Variants in FBXO31 observed in about 807,000 individuals in gnomAD.
The protein encoded by FBXO31 is F-box protein 31.
A neutral mutation model predicts 54.4 loss-of-function variants in FBXO31; 24 were observed. The ratio of observed to expected loss-of-function variants is 0.44; its 90% CI spans 0.32 to 0.62. The LOEUF (loss-of-function observed/expected upper bound fraction) is 0.62, where lower values mean the gene tolerates loss of function less well. FBXO31 is among the 20% of genes least tolerant of loss of function. The pLI is 0.05. For missense variants in FBXO31, 665 were observed against 787.1 expected (o/e 0.84, Z 1.86); for synonymous variants, 388 against 335.6 (o/e 1.16, Z -1.71).
upstream of FBXO31, chr16:87,391,825 C>G (rs35227715): frequency 0.16 from 25,061 of 152,302 alleles, 2,844 homozygotes; most frequent in South Asian, 0.52. Context: ...CCCTGCCTCC[C>G]GGAGACGGCG....
At chr16:87,372,561 T>C (rs888000351) in intron 1 of FBXO31, among the ~76,000 whole-genome samples, 4 of 151,892 alleles carry the variant, frequency 2.6e-5, no homozygotes, top group African/African-American at 9.7e-5. Flanking sequence ...TCATGAAGCA[T>C]TTCTTTTTGT....
Position 87,343,723 on chromosome 16 carries a change from G to T in FBXO31, c.532C>A (p.His178Asn). The T allele has an allele frequency of 3.1e-6, 5 of 1,614,254 alleles. No individual in the cohort carries two copies. The highest frequency in any genetic ancestry group is 3.4e-6 in the Non-Finnish European group (4 of 1,180,048). Residue 178 changes from histidine (H) to asparagine (N), a missense_variant, in exon 4 of 9, where the codon CAT (histidine) becomes AAT (asparagine). Physicochemically the swap from His to Asn is moderately conservative, Grantham distance 68 (BLOSUM62 1). Transcript: ENST00000311635. ...FIIGWMYLPP[H>N]DPHVDDPMRF... ...ATAGGGTCATCGACGTGGGGGTCAT[G>T]GGGAGGCAGGTACATCCACCCGATG...
intron 1 of FBXO31, among the ~76,000 whole-genome samples, chr16:87,363,897 C>A (rs541933212): frequency 1.3e-5 from 2 of 152,224 alleles, no homozygotes; most frequent in African/African-American, 4.8e-5. Flanking sequence ...TCAGCTCCCC[C>A]TTCCGAGCTC....
chr16:87,379,043 A>G (rs2150698190), intron 1 of FBXO31, among the ~76,000 whole-genome samples: 1 of 152,258 alleles, frequency 6.6e-6, no homozygotes, highest in African/African-American at 2.4e-5. Flanking sequence ...GTTCACTGCC[A>G]CACTGCACCT....
intron 2 of FBXO31, among the ~76,000 whole-genome samples, chr16:87,352,722 G>C (rs1231879034): frequency 6.6e-6 from 1 of 152,200 alleles, no homozygotes; most frequent in Non-Finnish European, 1.5e-5. Context: ...AATCTTTTGA[G>C]GTCAACTCAT....
chr16:87,384,434 G>T (rs1319395047), upstream of FBXO31, among the ~76,000 whole-genome samples: 1 of 152,104 alleles, frequency 6.6e-6, no homozygotes, highest in Non-Finnish European at 1.5e-5. Flanking sequence ...CAAGAGATCC[G>T]GGGATGCGCG....
intron 5 of FBXO31, among the ~76,000 whole-genome samples, chr16:87,341,842 G>C (rs372191577): frequency 7.2e-5 from 11 of 152,208 alleles, no homozygotes; most frequent in South Asian, 6.2e-4. Flanking sequence ...CGAGAAACAG[G>C]ACATTTGGTT....
In FBXO31 at chr16:87,382,024, C is replaced by CA. The variant is rs567465446; in HGVS notation, c.340+1380dup. ...TGGGTGACAGAGTGAGACTCCGTCT[C>CA]AAAAAAAAAAAAGAAGGAAGTGCAT... On this transcript the variant is annotated intron_variant, in intron 1 of 8. Coordinates refer to ENST00000311635, the MANE Select transcript of FBXO31 (RefSeq NM_024735.5). 3.1e-3 allele frequency among the ~76,000 whole-genome samples: 429 copies of CA among 136,250 alleles called. 3 individuals are homozygous for CA. The highest frequency in any genetic ancestry group is 9.2e-3 in the African/African-American group (340 of 37,036). 89.4% of individuals were successfully genotyped at this position (136,250 alleles called of 152,430 possible). A position where few individuals can be genotyped will look rare whatever the true frequency, so the allele number is the denominator to read the frequency against.
intron 1 of FBXO31, among the ~76,000 whole-genome samples, chr16:87,362,226 G>C (rs117894019): frequency 1.7e-3 from 264 of 152,002 alleles, no homozygotes; most frequent in Non-Finnish European, 3.0e-3. Context: ...CAATTAAACA[G>C]GTAAAATTCA....
At chr16:87,361,934 G>A (rs1010171155) in intron 1 of FBXO31, among the ~76,000 whole-genome samples, 5 of 152,344 alleles carry the variant, frequency 3.3e-5, no homozygotes, top group African/African-American at 7.2e-5. Context: ...TGTGGTCTAC[G>A]GGTCCCCCTT....
At chr16:87,341,202 G>A (rs941718620) in intron 5 of FBXO31, among the ~76,000 whole-genome samples, 1 of 152,186 alleles carries the variant, frequency 6.6e-6, no homozygotes, top group Admixed American at 6.5e-5. Context: ...CACTACTCCA[G>A]TTCAAAATCA....
chr16:87,358,807 C>G lies in FBXO31; in HGVS notation c.412+1488G>C, dbSNP rs1168065354. 6.6e-6 allele frequency among the ~76,000 whole-genome samples: 1 copy of G among 152,204 alleles called. No homozygotes were observed. Among genetic ancestry groups the G allele is most frequent in the Non-Finnish European group, 1.5e-5 (1 of 68,030 alleles). On this transcript the variant is annotated intron_variant, in intron 2 of 8. Transcript: ENST00000311635. The surrounding 1 kb of genome is among the most constrained non-coding windows in gnomAD (Gnocchi z 4.0). ...CCGGCAGGCCCCAGGCCACAGCTCA[C>G]TGGGGCTCAGGAGGTGGGAGGGCAG...
At chr16:87,370,946 T>A (rs980421059) in intron 1 of FBXO31, among the ~76,000 whole-genome samples, 3 of 152,136 alleles carry the variant, frequency 2.0e-5, no homozygotes, top group Admixed American at 6.5e-5. Flanking sequence ...GAGCTGGCGG[T>A]GGCAGGGGGG....
chr16:87,354,700 G>T (rs1905817854), intron 2 of FBXO31, among the ~76,000 whole-genome samples: 1 of 152,206 alleles, frequency 6.6e-6, no homozygotes, highest in Non-Finnish European at 1.5e-5. Context: ...GGGCACACTG[G>T]CTCACACCTG....
At chr16:87,390,573 T>C (rs1374843160), upstream of FBXO31, among the ~76,000 whole-genome samples, 1 of 151,592 alleles carries the variant, frequency 6.6e-6, no homozygotes, top group African/African-American at 2.4e-5. Flanking sequence ...CCCGAGTAGC[T>C]GGGATTACAG....
chr16:87,391,089 G>A (rs1467549741), upstream of FBXO31, among the ~76,000 whole-genome samples: 2 of 152,294 alleles, frequency 1.3e-5, no homozygotes, highest in Admixed American at 1.3e-4. Flanking sequence ...AGTGGCTCAC[G>A]CCTGTAATCC....
At chr16:87,383,819 C>T, upstream of FBXO31, 1 of 1,048,278 alleles carries the variant, frequency 9.5e-7, no homozygotes, top group Non-Finnish European at 1.2e-6. This position sits in a 1 kb window ranked among gnomAD's most constrained non-coding sequence, Gnocchi z 4.9. Flanking sequence ...CGCCGAGCCA[C>T]GCCCCCGCCG....
chr16:87,383,397 G>A lies in FBXO31; in HGVS notation c.340+8C>T, dbSNP rs1334169033. ...CCCCTCCCGGCCCCGCCACCCCCGC[G>A]CGCTCACCCTCACGGCAACGCCTCC... On this transcript the variant is annotated splice_region_variant and intron_variant, in intron 1 of 8. Transcript: ENST00000311635. The surrounding 1 kb of genome is among the most constrained non-coding windows in gnomAD (Gnocchi z 4.9). The A allele has an allele frequency of 7.9e-7, 1 of 1,262,164 alleles. No individual in the cohort carries two copies. The highest frequency in any genetic ancestry group is 2.2e-5 in the Admixed American group (1 of 44,906). 78.2% of individuals were successfully genotyped at this position (1,262,164 alleles called of 1,614,324 possible). A position where few individuals can be genotyped will look rare whatever the true frequency, so the allele number is the denominator to read the frequency against.
intron 5 of FBXO31, among the ~76,000 whole-genome samples, chr16:87,342,514 C>A (rs1905225205): frequency 6.6e-6 from 1 of 152,212 alleles, no homozygotes; most frequent in African/African-American, 2.4e-5. Context: ...ATGGGAAACA[C>A]AGGAACTCTG....
Sources: allele counts gnomAD v4.1 joint callset (sites outside exome capture counted in the v4.1 genomes callset), GRCh38; gene constraint gnomAD v4.1.1; non-coding constraint Gnocchi (gnomAD v3.1); transcripts MANE v1.5; gene names NCBI Gene and HGNC (gene_info 2026-07-23, HGNC 2026-07-21).